Variants in TYW1B observed in about 807,000 individuals in gnomAD.
The protein encoded by TYW1B is S-adenosyl-L-methionine-dependent tRNA 4-demethylwyosine synthase TYW1B.
TYW1B carries 73 observed loss-of-function variants against 86.9 expected under a neutral mutation model. That is an observed-to-expected ratio of 0.84 (90% CI 0.70 to 1.02). The LOEUF (loss-of-function observed/expected upper bound fraction) is 1.02, where lower values mean the gene tolerates loss of function less well. TYW1B is among the 50% of genes least tolerant of loss of function. TYW1B has a pLI of 0.00. For missense variants in TYW1B, 637 were observed against 827.4 expected (o/e 0.77, Z 2.82); for synonymous variants, 248 against 292.8 (o/e 0.85, Z 1.56).
intron 13 of TYW1B, among the ~76,000 whole-genome samples, chr7:72,576,299 T>C (rs1280970716): frequency 6.6e-6 from 1 of 152,152 alleles, no homozygotes; most frequent in Non-Finnish European, 1.5e-5. Flanking sequence ...TTGTACTCTC[T>C]TAAGAAAATT....
chr7:72,676,850 TG>T (rs1478620952), intron 11 of TYW1B, among the ~76,000 whole-genome samples: 3 of 151,852 alleles, frequency 2.0e-5, no homozygotes, highest in Non-Finnish European at 2.9e-5. Flanking sequence ...CTCAGATACT[TG>T]GGAAGCTGAG....
chr7:72,825,170 G>C (rs1586013836), intron 2 of TYW1B, among the ~76,000 whole-genome samples: 1 of 150,426 alleles, frequency 6.6e-6, no homozygotes, highest in Non-Finnish European at 1.5e-5. Context: ...AATCCTCACA[G>C]TGACCCTGAG....
chr7:72,770,779 C>T lies in TYW1B; in HGVS notation c.964+6637G>A, dbSNP rs568667461. On this transcript the variant is annotated intron_variant, in intron 7 of 13. Transcript: ENST00000620995. Reference sequence around the variant, plus strand: ...TAAAAGCAGACCAAATGTCTATTTACAGCTCTTTAAAAACTGGTATATTCA... The same window carrying T: ...TAAAAGCAGACCAAATGTCTATTTATAGCTCTTTAAAAACTGGTATATTCA... 2.6e-5 allele frequency among the ~76,000 whole-genome samples: 4 copies of T among 152,160 alleles called. No individual in the cohort carries two copies. In the South Asian group the frequency reaches 8.3e-4, roughly 32 times the overall value.
At chr7:72,785,805 C>CACT (rs1788119142) in intron 6 of TYW1B, among the ~76,000 whole-genome samples, 2 of 152,132 alleles carry the variant, frequency 1.3e-5, no homozygotes, top group African/African-American at 4.8e-5. Context: ...AATGTGTGAG[C>CACT]CAGCCCCAAA....
chr7:72,584,070 A>G (rs541417897), intron 13 of TYW1B, among the ~76,000 whole-genome samples: 1 of 152,342 alleles, frequency 6.6e-6, no homozygotes, highest in African/African-American at 2.4e-5. Flanking sequence ...TTTTAGAGAC[A>G]GGGTCTTCCT....
intron 11 of TYW1B, among the ~76,000 whole-genome samples, chr7:72,668,509 C>G (rs4380805): frequency 6.6e-6 from 1 of 152,016 alleles, no homozygotes; most frequent in South Asian, 2.1e-4. Flanking sequence ...ACATGAAGGC[C>G]GAGAAAACTC....
rs554595121 is a variant in TYW1B, at chr7:72,810,795, G to T, written c.238-130C>A. On this transcript the variant is annotated intron_variant, in intron 3 of 13. Coordinates refer to ENST00000620995, the MANE Select transcript of TYW1B (RefSeq NM_001145440.3). Reference sequence around the variant, plus strand: ...ACCTTCATAAACATGGCTCATTTTCGAAAGTGAAGGGCCTGACTAAGAAAC... The same window carrying T: ...ACCTTCATAAACATGGCTCATTTTCTAAAGTGAAGGGCCTGACTAAGAAAC... 2.6e-5 allele frequency: 34 copies of T among 1,285,596 alleles called. No individual in the cohort carries two copies. In the South Asian group the frequency reaches 4.5e-4, roughly 17 times the overall value. 79.6% of individuals were successfully genotyped at this position (1,285,596 alleles called of 1,614,324 possible).
chr7:72,689,261 A>G (rs1302416063), intron 11 of TYW1B, among the ~76,000 whole-genome samples: 3 of 152,194 alleles, frequency 2.0e-5, no homozygotes, highest in Admixed American at 2.0e-4. Flanking sequence ...AAAGGAAAGA[A>G]GAAGATATAT....
intron 8 of TYW1B, among the ~76,000 whole-genome samples, chr7:72,735,396 C>T (rs1169213089): frequency 6.6e-6 from 1 of 151,652 alleles, no homozygotes; most frequent in Admixed American, 6.6e-5. Flanking sequence ...TTGGTGAAAT[C>T]CCGTCTCTAC....
At chr7:72,704,774 A>G (rs1428721318) in intron 10 of TYW1B, among the ~76,000 whole-genome samples, 2 of 152,092 alleles carry the variant, frequency 1.3e-5, no homozygotes, top group African/African-American at 4.8e-5. Flanking sequence ...AAATGAGGAA[A>G]GTGGGCACTG....
intron 3 of TYW1B, among the ~76,000 whole-genome samples, chr7:72,813,879 G>A (rs1788670521): frequency 6.6e-6 from 1 of 151,916 alleles, no homozygotes; most frequent in African/African-American, 2.4e-5. Context: ...GCCAGGTGTG[G>A]TGGTGGGCAC....
At chr7:72,651,686 T>G (rs57844823) in intron 11 of TYW1B, among the ~76,000 whole-genome samples, 1 of 139,832 alleles carries the variant, frequency 7.2e-6, no homozygotes, top group Admixed American at 6.9e-5. Flanking sequence ...TATACATACC[T>G]TAAGTCCTTA....
intron 6 of TYW1B, among the ~76,000 whole-genome samples, chr7:72,783,153 C>T (rs1481511097): frequency 2.6e-5 from 4 of 151,988 alleles, no homozygotes; most frequent in Non-Finnish European, 5.9e-5. Context: ...AATCCCAGCA[C>T]TTTGGGAGGC....
intron 11 of TYW1B, among the ~76,000 whole-genome samples, chr7:72,692,199 C>T (rs1184738400): frequency 3.1e-5 from 3 of 97,678 alleles, no homozygotes; most frequent in Middle Eastern, 8.1e-3. Context: ...GAAAGAGACT[C>T]CATCTCAAAA....
chr7:72,789,778 G>T (rs1459185553), intron 6 of TYW1B, among the ~76,000 whole-genome samples: 5 of 151,492 alleles, frequency 3.3e-5, no homozygotes, highest in Non-Finnish European at 4.4e-5. Context: ...ACCCAGCCTG[G>T]AATTTTTTTT....
intron 1 of TYW1B, among the ~76,000 whole-genome samples, chr7:72,827,409 T>TG (rs200286535): frequency 0.012 from 1,767 of 150,756 alleles, 28 homozygotes; most frequent in African/African-American, 0.036. Context: ...CTCCATCTCG[T>TG]GGGGGGGGCG....
At chr7:72,815,184 C>G (rs1788699189) in intron 3 of TYW1B, among the ~76,000 whole-genome samples, 196 bp downstream of exon 3, 1 of 152,066 alleles carries the variant, frequency 6.6e-6, no homozygotes, top group Admixed American at 6.6e-5. Context: ...AGAACAAGCC[C>G]CACACCACGT....
intron 12 of TYW1B, among the ~76,000 whole-genome samples, chr7:72,619,854 T>C (rs1284950230): frequency 4.6e-5 from 7 of 152,306 alleles, no homozygotes; most frequent in African/African-American, 1.7e-4. Flanking sequence ...CTTTTTAATA[T>C]TTAAAAAGTT....
intron 3 of TYW1B, among the ~76,000 whole-genome samples, chr7:72,811,853 A>G (rs1337955989): frequency 2.0e-5 from 3 of 150,186 alleles, no homozygotes; most frequent in Non-Finnish European, 3.0e-5. Flanking sequence ...CAGAGGCTGC[A>G]GTGGGCCACA....
Sources: gnomAD v4.1 joint callset for allele counts (sites outside exome capture counted in the v4.1 genomes callset) on GRCh38, gnomAD v4.1.1 for gene constraint, MANE v1.5 for transcripts, NCBI Gene and HGNC (gene_info 2026-07-23, HGNC 2026-07-21) for gene names.